POTEJ: variants seen among roughly 807,000 people sequenced by gnomAD.
The protein encoded by POTEJ is POTE ankyrin domain family, member J.
A neutral mutation model predicts 69.0 loss-of-function variants in POTEJ; 11 were observed. The ratio of observed to expected loss-of-function variants is 0.16; its 90% confidence interval spans 0.10 to 0.26. The LOEUF (loss-of-function observed/expected upper bound fraction) is 0.26, where lower values mean the gene tolerates loss of function less well. POTEJ is among the 10% of genes least tolerant of loss of function. The pLI is 1.00. For synonymous variants in POTEJ, 117 were observed against 381.1 expected (o/e 0.31, Z 8.07); for missense variants, 327 against 1,045.5 (o/e 0.31, Z 9.48).
chr2:130,649,628 A>G (rs997451600), intron 13 of POTEJ, among the ~76,000 whole-genome samples: 6 of 152,118 alleles, frequency 3.9e-5, no homozygotes, highest in African/African-American at 1.5e-4. Flanking sequence ...CTCCCATTTC[A>G]CTCTGAGTAT....
chr2:130,640,599 A>T (rs1339934038), intron 10 of POTEJ, among the ~76,000 whole-genome samples: 2 of 151,902 alleles, frequency 1.3e-5, no homozygotes, highest in African/African-American at 4.8e-5. Context: ...GCAGCTCCAA[A>T]CATCTTGTTC....
intron 13 of POTEJ, among the ~76,000 whole-genome samples, chr2:130,647,141 T>C (rs569628701): frequency 6.6e-6 from 1 of 150,818 alleles, no homozygotes; most frequent in Admixed American, 6.5e-5. Flanking sequence ...GCAACCATTT[T>C]AAAAAAATGA....
At chr2:130,655,208 A>T (rs1686940524) in intron 14 of POTEJ, among the ~76,000 whole-genome samples, 167 bp downstream of exon 14, 1 of 151,806 alleles carries the variant, frequency 6.6e-6, no homozygotes, top group Non-Finnish European at 1.5e-5. Context: ...CATGTTCTTA[A>T]TTCACCTTCA....
intron 6 of POTEJ, among the ~76,000 whole-genome samples, chr2:130,628,457 T>G (rs1685786502): frequency 1.3e-5 from 1 of 75,408 alleles, no homozygotes; most frequent in East Asian, 3.1e-4. Flanking sequence ...TTTATTTTAA[T>G]TGTTTTTAAA....
At chr2:130,644,211 C>G (rs1234029421) in intron 11 of POTEJ, among the ~76,000 whole-genome samples, 158 bp downstream of exon 11, 1 of 139,336 alleles carries the variant, frequency 7.2e-6, no homozygotes, top group Non-Finnish European at 1.6e-5. Context: ...TGGCTCACGC[C>G]TGTAATCCCA....
chr2:130,627,159 A>C (rs1326030223), intron 6 of POTEJ, among the ~76,000 whole-genome samples: 4 of 151,898 alleles, frequency 2.6e-5, no homozygotes, highest in Admixed American at 2.6e-4. Flanking sequence ...GCAGGTCAGC[A>C]GGAATGACTA....
At chr2:130,613,633 C>A (rs1395201617) in intron 1 of POTEJ, among the ~76,000 whole-genome samples, 2 of 138,452 alleles carry the variant, frequency 1.4e-5, no homozygotes, top group Non-Finnish European at 3.1e-5. Flanking sequence ...GAACTCCTGT[C>A]CTCGTGATCC....
chr2:130,620,494 T>G (rs1685513566), intron 4 of POTEJ, among the ~76,000 whole-genome samples: 1 of 151,562 alleles, frequency 6.6e-6, no homozygotes, highest in Non-Finnish European at 1.5e-5. Context: ...TTTCTAATAG[T>G]TTTTAACCTC....
intron 14 of POTEJ, among the ~76,000 whole-genome samples, chr2:130,655,520 G>A (rs560041384): frequency 1.3e-5 from 2 of 152,368 alleles, no homozygotes; most frequent in East Asian, 1.9e-4. Flanking sequence ...TCATTTCAAT[G>A]TAAAGAGGTT....
chr2:130,626,553 A>G (rs1325519802), intron 6 of POTEJ, among the ~76,000 whole-genome samples: 1 of 151,986 alleles, frequency 6.6e-6, no homozygotes, highest in Admixed American at 6.5e-5. Context: ...GATTATATGT[A>G]AGCAAACAGG....
chr2:130,626,834 T>A (rs1417047048), intron 6 of POTEJ, among the ~76,000 whole-genome samples: 1 of 152,192 alleles, frequency 6.6e-6, no homozygotes, highest in African/African-American at 2.4e-5. Context: ...GCCTTTGTTT[T>A]TTTGGTGTTA....
intron 1 of POTEJ, among the ~76,000 whole-genome samples, chr2:130,614,546 G>A (rs1334337388): frequency 2.7e-5 from 4 of 148,592 alleles, no homozygotes; most frequent in Non-Finnish European, 4.4e-5. Context: ...TATCAAGTGA[G>A]AAAAAAATCA....
At chr2:130,618,774 C>CTTTTTTTTTTT (rs1204750696) in intron 3 of POTEJ, among the ~76,000 whole-genome samples, 6 of 32,206 alleles carry the variant, frequency 1.9e-4, no homozygotes, top group Non-Finnish European at 3.0e-4. Context: ...ATTAATCTGA[C>CTTTTTTTTTTT]TTTTTTTTTT....
intron 6 of POTEJ, among the ~76,000 whole-genome samples, chr2:130,626,571 G>T (rs1461629146): frequency 6.6e-6 from 1 of 152,068 alleles, no homozygotes; most frequent in Non-Finnish European, 1.5e-5. Context: ...AGGCATGACT[G>T]AGCTCCTATA....
intron 1 of POTEJ, among the ~76,000 whole-genome samples, chr2:130,614,778 C>G (rs1325521299): frequency 5.3e-5 from 4 of 74,872 alleles, no homozygotes; most frequent in Admixed American, 1.4e-4. Context: ...CAAATAATTC[C>G]TCACATTCTA....
rs1264366648 is a variant in POTEJ, at chr2:130,636,488, A to G, written c.1299-2131A>G. 2.7e-5 allele frequency among the ~76,000 whole-genome samples: 4 copies of G among 146,368 alleles called. 1 individual carries two copies. Among genetic ancestry groups the G allele is most frequent in the South Asian group, 2.1e-4 (1 of 4,680 alleles). ...AAAGGTTTTTTGTATTAGAAAAAAA[A>G]AAACCCTTTCTCAGCAGAGACTCTT... is the stretch of plus-strand genomic sequence containing the variant. On this transcript the variant is annotated intron_variant, in intron 9 of 14. Coordinates refer to ENST00000409602, the MANE Select transcript of POTEJ (RefSeq NM_001277083.2).
intron 9 of POTEJ, among the ~76,000 whole-genome samples, chr2:130,637,355 C>T (rs1322919406): frequency 1.1e-4 from 16 of 151,136 alleles, no homozygotes; most frequent in South Asian, 4.2e-4. Flanking sequence ...CTCGCTGTAT[C>T]GCCCAGGCTG....
At chr2:130,645,285 A>T (rs1686537234) in intron 11 of POTEJ, among the ~76,000 whole-genome samples, 3 of 27,250 alleles carry the variant, frequency 1.1e-4, no homozygotes, top group Non-Finnish European at 1.5e-4. Flanking sequence ...GGAATCTTTT[A>T]AAAAAGCACT....
At position 130,630,927 on chromosome 2, in the gene POTEJ, T is replaced by G. The variant is rs1355843089; in HGVS notation, c.1087-482T>G. 2.1e-5 allele frequency among the ~76,000 whole-genome samples: 3 copies of G among 143,514 alleles called. 1 individual carries two copies. The highest frequency in any genetic ancestry group is 8.3e-5 in the African/African-American group (3 of 36,104). 94.2% of individuals were successfully genotyped at this position (143,514 alleles called of 152,430 possible). A position where few individuals can be genotyped will look rare whatever the true frequency, so the allele number is the denominator to read the frequency against. ...TGATTTCGGCTCCTAATAATTTAAA[T>G]GGTGCCTACAATCCAGTTAGGAATC... On this transcript the variant is annotated intron_variant, in intron 7 of 14. Coordinates refer to ENST00000409602, the MANE Select transcript of POTEJ (RefSeq NM_001277083.2).
Sources: gnomAD v4.1 joint callset for allele counts (sites outside exome capture counted in the v4.1 genomes callset) on GRCh38, gnomAD v4.1.1 for gene constraint, MANE v1.5 for transcripts, NCBI Gene and HGNC (gene_info 2026-07-23, HGNC 2026-07-21) for gene names.